The following EXT1 variants were observed in gnomAD, a reference collection of about 807,000 sequenced individuals.
The protein encoded by EXT1 is exostosin glycosyltransferase 1.
EXT1 carries 20 observed loss-of-function variants against 82.5 expected under a neutral mutation model. That is an observed-to-expected ratio of 0.24 (90% CI 0.17 to 0.35). EXT1 has a LOEUF of 0.35. Among genes scored for constraint, EXT1 ranks in the 10% least tolerant of loss-of-function variants. The pLI is 1.00. For synonymous variants in EXT1, 348 were observed against 350.8 expected (o/e 0.99, Z 0.09); for missense variants, 757 against 936.5 (o/e 0.81, Z 2.50).
At chr8:118,043,058 G>T (rs1447507453) in intron 1 of EXT1, among the ~76,000 whole-genome samples, 5 of 152,096 alleles carry the variant, frequency 3.3e-5, no homozygotes, top group African/African-American at 1.2e-4. Flanking sequence ...TCCATCCTAG[G>T]GAGGAAATGT....
At chr8:117,917,228 C>G (rs948170489) in intron 1 of EXT1, among the ~76,000 whole-genome samples, 2 of 152,152 alleles carry the variant, frequency 1.3e-5, no homozygotes, top group East Asian at 1.9e-4. Flanking sequence ...AATCTTGGCA[C>G]TCTGGGAGGC....
intron 1 of EXT1, among the ~76,000 whole-genome samples, chr8:118,085,275 G>A (rs1243371005): frequency 6.6e-6 from 1 of 152,192 alleles, no homozygotes; most frequent in Non-Finnish European, 1.5e-5. Context: ...ATGGGAGGAA[G>A]GGTGAGCAGA....
In EXT1 at chr8:118,111,463, A is replaced by G. The variant is rs1367840482; in HGVS notation, c.-417T>C. 4 of 535,444 alleles carry G rather than the reference A, an allele frequency of 7.5e-6. No homozygotes were observed. The highest frequency in any genetic ancestry group is 1.3e-5 in the Non-Finnish European group (4 of 306,238). The allele number at this position is 535,444 out of a possible 1,614,324, so 33.2% of individuals were successfully genotyped here. On this transcript the variant is annotated 5_prime_UTR_variant, in exon 1 of 11. Transcript: ENST00000378204. ...ATTCCTCTCGGCAGCGTGGAAAATG[A>G]GCCCCGGGAAGGCAACTTCAACTCA...
At chr8:117,909,513 T>C (rs1431135747) in intron 1 of EXT1, among the ~76,000 whole-genome samples, 1 of 152,200 alleles carries the variant, frequency 6.6e-6, no homozygotes, top group African/African-American at 2.4e-5. Context: ...TCAAAAAATA[T>C]GTATTTTTTT....
chr8:117,868,239 T>C (rs1430445995), intron 1 of EXT1, among the ~76,000 whole-genome samples: 1 of 152,198 alleles, frequency 6.6e-6, no homozygotes, highest in Non-Finnish European at 1.5e-5. Flanking sequence ...ATAATTGCTA[T>C]CCTCCTTTCC....
chr8:117,933,029 C>T (rs945176780), intron 1 of EXT1, among the ~76,000 whole-genome samples: 1 of 152,102 alleles, frequency 6.6e-6, no homozygotes, highest in South Asian at 2.1e-4. Context: ...TCACCTGTCT[C>T]AGGGCCTTGA....
At chr8:118,022,275 G>T (rs1006889251) in intron 1 of EXT1, among the ~76,000 whole-genome samples, 1 of 150,996 alleles carries the variant, frequency 6.6e-6, no homozygotes, top group Non-Finnish European at 1.5e-5. Flanking sequence ...ATTAATGCAG[G>T]GGGAGGCAAT....
chr8:118,106,006 A>C lies in EXT1; in HGVS notation c.962+4079T>G, dbSNP rs531683640. Among the ~76,000 whole-genome samples, 13 of 152,230 alleles carry C rather than the reference A, an allele frequency of 8.5e-5. No individual in the cohort carries two copies. In the South Asian group the frequency reaches 2.5e-3, roughly 29 times the overall value. ...AGGGCCAAATTGAAAGGTTCAAAAA[A>C]CTCCTACTTAGACTAAACAGCTCCA... On this transcript the variant is annotated intron_variant, in intron 1 of 10. Transcript: ENST00000378204.
At chr8:118,005,828 T>C (rs967284110) in intron 1 of EXT1, among the ~76,000 whole-genome samples, 1 of 152,218 alleles carries the variant, frequency 6.6e-6, no homozygotes, top group Admixed American at 6.5e-5. Context: ...TGCTTCTTCA[T>C]TTATTACAGA....
chr8:118,101,897 T>G (rs1817725095), intron 1 of EXT1, among the ~76,000 whole-genome samples: 1 of 150,032 alleles, frequency 6.7e-6, no homozygotes. Context: ...GAGACCCTAG[T>G]CAAGAAGAAA....
At chr8:118,037,524 T>C (rs1816445251) in intron 1 of EXT1, among the ~76,000 whole-genome samples, 1 of 152,078 alleles carries the variant, frequency 6.6e-6, no homozygotes, top group African/African-American at 2.4e-5. Context: ...AGATTCTTTA[T>C]AGCACTCCCC....
At chr8:117,949,241 A>G (rs1460076210) in intron 1 of EXT1, among the ~76,000 whole-genome samples, 2 of 152,186 alleles carry the variant, frequency 1.3e-5, no homozygotes, top group African/African-American at 4.8e-5. Context: ...CAGAAGGAAG[A>G]TAAAATTAAG....
chr8:117,965,414 T>C (rs905463523), intron 1 of EXT1, among the ~76,000 whole-genome samples: 7 of 152,092 alleles, frequency 4.6e-5, no homozygotes, highest in African/African-American at 1.7e-4. Flanking sequence ...GCACTAAATA[T>C]TTCCATTTAG....
Position 117,833,764 on chromosome 8 carries a change from T to A in EXT1, c.1164+1680A>T, listed in dbSNP as rs192680997. Among the ~76,000 whole-genome samples, 6 of 152,334 alleles carry A rather than the reference T, an allele frequency of 3.9e-5. No homozygotes were observed. In the East Asian group the frequency reaches 1.2e-3, roughly 29 times the overall value. ...TTATGGGTGGTGTTTTTTATTCCCT[T>A]TATTTCTCAAATTTCTTTTAATGAT... On this transcript the variant is annotated intron_variant, in intron 3 of 10. Coordinates refer to ENST00000378204, the MANE Select transcript of EXT1 (RefSeq NM_000127.3).
chr8:117,865,183 T>G (rs539149622), intron 1 of EXT1, among the ~76,000 whole-genome samples: 16 of 152,268 alleles, frequency 1.1e-4, no homozygotes, highest in Non-Finnish European at 1.9e-4. Flanking sequence ...TCTTTACTTT[T>G]TTGAGACAGG....
At position 117,936,657 on chromosome 8, in the gene EXT1, C is replaced by T. The variant is rs150163569; in HGVS notation, c.963-99456G>A. Reference sequence around the variant, plus strand: ...TCGGATGCCAAGGTGGGCAGATCACCTGAGGGCAGGATTTTGAGACCAGCC... The same window carrying T: ...TCGGATGCCAAGGTGGGCAGATCACTTGAGGGCAGGATTTTGAGACCAGCC... On this transcript the variant is annotated intron_variant, in intron 1 of 10. Coordinates refer to ENST00000378204, the MANE Select transcript of EXT1 (RefSeq NM_000127.3). Among the ~76,000 whole-genome samples, 205 of 152,260 alleles carry T rather than the reference C, an allele frequency of 1.3e-3. 2 individuals are homozygous for T. The highest frequency in any genetic ancestry group is 4.5e-3 in the African/African-American group (185 of 41,550).
chr8:117,819,562 T>C lies in EXT1; in HGVS notation c.1536+114A>G, dbSNP rs568050238. 6.0e-6 allele frequency: 5 copies of C among 829,172 alleles called. No homozygotes were observed. In the South Asian group the frequency reaches 6.7e-5, roughly 11 times the overall value. 51.4% of individuals were successfully genotyped at this position (829,172 alleles called of 1,614,324 possible). On this transcript the variant is annotated intron_variant, in intron 6 of 10. Transcript: ENST00000378204. ...AATGAAAGGGAGTAGCAGGGTATGA[T>C]GTTAGAGAAGTCCCGGGGAGCCTGG...
intron 1 of EXT1, among the ~76,000 whole-genome samples, chr8:117,967,888 A>C (rs1039994654): frequency 6.6e-6 from 1 of 152,202 alleles, no homozygotes; most frequent in African/African-American, 2.4e-5. Context: ...AACGAGTCTA[A>C]AGATCTGATG....
chr8:117,804,936 A>G (rs780671220), intron 9 of EXT1, 43 bp from the exon 10 acceptor site: 3 of 1,602,338 alleles, frequency 1.9e-6, no homozygotes, highest in African/African-American at 2.7e-5. Context: ...CCATTATCAC[A>G]TGATGACAAG....
Sources: gnomAD v4.1 joint callset for allele counts (sites outside exome capture counted in the v4.1 genomes callset) on GRCh38, gnomAD v4.1.1 for gene constraint, MANE v1.5 for transcripts, NCBI Gene and HGNC (gene_info 2026-07-23, HGNC 2026-07-21) for gene names.